The following CBR4 variants were observed in gnomAD, a reference collection of about 807,000 sequenced individuals.
CBR4 encodes carbonyl reductase 4, also known as 3-oxoacyl-[acyl-carrier-protein] reductase.
CBR4 carries 22 observed loss-of-function variants against 21.0 expected under a neutral mutation model. That is an observed-to-expected ratio of 1.05 (90% CI 0.75 to 1.50). CBR4 has a LOEUF of 1.50. Among genes scored for constraint, CBR4 ranks in the 40% most tolerant of loss-of-function variants. The pLI is 0.00. For missense variants in CBR4, 302 were observed against 286.3 expected, an observed-to-expected ratio of 1.05 and a Z score of -0.40; for synonymous variants, 100 against 104.4, an observed-to-expected ratio of 0.96 and a Z score of 0.26.
chr4:168,895,275 G>A (rs1035937323), intron 2 of CBR4, among the ~76,000 whole-genome samples: 7 of 152,154 alleles, frequency 4.6e-5, no homozygotes, highest in African/African-American at 7.2e-5. Context: ...CCAGCTACTC[G>A]GGAAGCTGAG....
intron 2 of CBR4, chr4:168,921,874 A>C: frequency 2.6e-6 from 2 of 768,460 alleles, no homozygotes; most frequent in East Asian, 2.7e-5. Context: ...AAAATAGCCA[A>C]TGAGGACATG....
At chr4:168,919,096 A>G (rs1760866354) in intron 2 of CBR4, among the ~76,000 whole-genome samples, 1 of 152,336 alleles carries the variant, frequency 6.6e-6, no homozygotes, top group African/African-American at 2.4e-5. Flanking sequence ...CATATTTAAG[A>G]AAGAAATAAC....
chr4:168,948,846 G>T (rs561348972), intron 2 of CBR4, among the ~76,000 whole-genome samples: 42 of 152,036 alleles, frequency 2.8e-4, no homozygotes, highest in Non-Finnish European at 5.3e-4. Context: ...TTGGCTATGT[G>T]GGCAATTTTT....
chr4:169,002,614 A>G (rs958853795), intron 3 of CBR4, among the ~76,000 whole-genome samples: 10 of 152,256 alleles, frequency 6.6e-5, no homozygotes, highest in Admixed American at 4.6e-4. Flanking sequence ...TACAACACAG[A>G]CATAAGGCAG....
intron 2 of CBR4, among the ~76,000 whole-genome samples, chr4:168,942,446 A>T (rs1368019246): frequency 1.3e-5 from 2 of 152,098 alleles, no homozygotes; most frequent in Admixed American, 1.3e-4. Flanking sequence ...AAATTTTAAA[A>T]TTCCACATTC....
At chr4:168,935,236 A>C (rs1263382404) in intron 2 of CBR4, among the ~76,000 whole-genome samples, 1 of 152,196 alleles carries the variant, frequency 6.6e-6, no homozygotes, top group African/African-American at 2.4e-5. Context: ...GGGACGGTGC[A>C]TTCCAGGCCA....
chr4:169,000,200 T>C (rs956173953), intron 4 of CBR4, among the ~76,000 whole-genome samples: 3 of 152,148 alleles, frequency 2.0e-5, no homozygotes, highest in Admixed American at 6.5e-5. Flanking sequence ...TAAAAATCAA[T>C]CAGCTTGCAT....
intron 2 of CBR4, among the ~76,000 whole-genome samples, chr4:168,955,998 A>C (rs1410179738): frequency 6.6e-6 from 1 of 152,184 alleles, no homozygotes; most frequent in Non-Finnish European, 1.5e-5. Flanking sequence ...AGGGGATTAA[A>C]GTGTCTGATG....
At chr4:168,979,630 C>T (rs1261459634) in intron 2 of CBR4, among the ~76,000 whole-genome samples, 1 of 152,166 alleles carries the variant, frequency 6.6e-6, no homozygotes, top group Non-Finnish European at 1.5e-5. Flanking sequence ...ACTGGTACCT[C>T]CAGCATGTCG....
chr4:168,953,514 G>A (rs972303919), intron 2 of CBR4, among the ~76,000 whole-genome samples: 9 of 151,602 alleles, frequency 5.9e-5, no homozygotes, highest in Non-Finnish European at 1.2e-4. Context: ...GCCTCTCAAC[G>A]TCTCTGGACC....
chr4:168,943,943 G>C lies in CBR4; in HGVS notation n.170-49178C>G, dbSNP rs1204658252. On this transcript the variant is annotated intron_variant and non_coding_transcript_variant, in intron 2 of 3. Transcript: ENST00000509108. ...ACAAAACAAAAACAAAAAACAAAAC[G>C]CCTCTGATAATGCAATACCATTTTA... Among the ~76,000 whole-genome samples, 4 of 151,722 alleles carry C rather than the reference G, an allele frequency of 2.6e-5. No individual in the cohort carries two copies. In the South Asian group the frequency reaches 8.3e-4, roughly 32 times the overall value.
intron 4 of CBR4, 77 bp downstream of exon 4, chr4:169,001,994 T>G: frequency 8.2e-7 from 1 of 1,220,568 alleles, no homozygotes. Context: ...CAGATGTCAA[T>G]TACTAATGTT....
At chr4:168,944,738 G>C (rs1763357161) in intron 2 of CBR4, among the ~76,000 whole-genome samples, 1 of 152,154 alleles carries the variant, frequency 6.6e-6, no homozygotes, top group Non-Finnish European at 1.5e-5. Flanking sequence ...TAAAGAATTG[G>C]ACAAGATGAT....
intron 2 of CBR4, among the ~76,000 whole-genome samples, chr4:168,906,075 T>A (rs181079845): frequency 7.9e-5 from 12 of 152,326 alleles, no homozygotes; most frequent in South Asian, 4.1e-4. Flanking sequence ...TCTGCCTGTT[T>A]AAGAAAATGG....
In CBR4 at chr4:168,988,708, C is replaced by T; in HGVS notation, c.*1442G>A. On this transcript the variant is annotated 3_prime_UTR_variant, in exon 5 of 5. Coordinates refer to ENST00000306193, the MANE Select transcript of CBR4 (RefSeq NM_032783.5). ...AATTTGTTTAATGATACTAACTTTA[C>T]TCACACTTAATTGACTTTCTCATAT... The T allele has an allele frequency of 1.0e-6, 1 of 973,320 alleles. No homozygotes were observed. The highest frequency in any genetic ancestry group is 1.2e-6 in the Non-Finnish European group (1 of 818,926). The allele number at this position is 973,320 out of a possible 1,614,324, so 60.3% of individuals were successfully genotyped here. A position where few individuals can be genotyped will look rare whatever the true frequency, so the allele number is the denominator to read the frequency against.
intron 2 of CBR4, among the ~76,000 whole-genome samples, chr4:168,905,300 A>G (rs769413619): frequency 1.5e-3 from 223 of 149,456 alleles, no homozygotes; most frequent in Non-Finnish European, 2.1e-3. Flanking sequence ...ACAGGCACCC[A>G]CCATGCCCGG....
At chr4:168,928,685 A>C (rs1293231493) in intron 2 of CBR4, among the ~76,000 whole-genome samples, 1 of 152,128 alleles carries the variant, frequency 6.6e-6, no homozygotes, top group Non-Finnish European at 1.5e-5. Context: ...GCTCTGTGCA[A>C]TTGTAGAAGA....
intron 2 of CBR4, chr4:168,904,217 C>A: frequency 9.6e-6 from 3 of 312,160 alleles, no homozygotes; most frequent in South Asian, 4.0e-5. Flanking sequence ...AAAAAATAAG[C>A]AATTAACAAA....
chr4:168,924,286 T>C (rs767384375), intron 2 of CBR4: 6 of 1,613,876 alleles, frequency 3.7e-6, no homozygotes, highest in Admixed American at 1.7e-5. Context: ...CTGTGTTTAT[T>C]GAGAAGCTCC....
Sources: allele counts gnomAD v4.1 joint callset (sites outside exome capture counted in the v4.1 genomes callset), GRCh38; gene constraint gnomAD v4.1.1; transcripts MANE v1.5; gene names NCBI Gene and HGNC (gene_info 2026-07-23, HGNC 2026-07-21).